Variants in LUZP2 observed in about 807,000 individuals in gnomAD.
The protein encoded by LUZP2 is leucine zipper protein 2.
A neutral mutation model predicts 51.6 loss-of-function variants in LUZP2; 52 were observed. The ratio of observed to expected loss-of-function variants is 1.01; its 90% confidence interval spans 0.81 to 1.27. LUZP2 has a LOEUF of 1.27. Ranked by LOEUF, LUZP2 falls within the 50% of genes most tolerant of loss-of-function variation. The pLI is 0.00. For synonymous variants in LUZP2, 154 were observed against 137.3 expected (o/e 1.12, Z -0.85); for missense variants, 436 against 395.4 (o/e 1.10, Z -0.87).
intron 2 of LUZP2, among the ~76,000 whole-genome samples, chr11:24,731,798 G>A (rs1044212875): frequency 1.1e-4 from 16 of 151,754 alleles, no homozygotes; most frequent in Admixed American, 2.0e-4. Context: ...CTTGCCTGCA[G>A]AGAACACAGT....
At chr11:24,565,940 A>C (rs2133784153) in intron 1 of LUZP2, among the ~76,000 whole-genome samples, 1 of 152,258 alleles carries the variant, frequency 6.6e-6, no homozygotes, top group South Asian at 2.1e-4. Flanking sequence ...ATTGTTCAAT[A>C]ATATTTTAAA....
rs192110099 is a variant in LUZP2, at chr11:24,843,318, T to G, written c.397-62673T>G. On this transcript the variant is annotated intron_variant, in intron 5 of 11. Transcript: ENST00000336930. ...CAAAACTTATTATAACAAATTTTCT[T>G]AATTTTATACAATTCCTCAGAAAAT... Among the ~76,000 whole-genome samples the G allele has an allele frequency of 5.9e-5, 9 of 152,244 alleles. No individual in the cohort carries two copies. The East Asian group carries it at 1.5e-3, about 26-fold the overall frequency.
In LUZP2 at chr11:24,641,502, C is replaced by T. The variant is rs972851003; in HGVS notation, c.63-87667C>T. ...AGTATCTGAGATTTTTAAAATATTA[C>T]TGTTGAACATCAAAAGGTGATAAGA... On this transcript the variant is annotated intron_variant, in intron 1 of 11. Transcript: ENST00000336930. Among the ~76,000 whole-genome samples, 2 of 151,794 alleles carry T rather than the reference C, an allele frequency of 1.3e-5. 1 individual carries two copies. The highest frequency in any genetic ancestry group is 4.9e-5 in the African/African-American group (2 of 41,116).
intron 1 of LUZP2, among the ~76,000 whole-genome samples, chr11:24,683,490 G>T (rs1856808984): frequency 6.6e-6 from 1 of 152,002 alleles, no homozygotes; most frequent in African/African-American, 2.4e-5. Context: ...CACTTTTAGT[G>T]GTAATAATTT....
At chr11:24,562,715 A>G (rs1852086378) in intron 1 of LUZP2, among the ~76,000 whole-genome samples, 1 of 149,802 alleles carries the variant, frequency 6.7e-6, no homozygotes, top group Admixed American at 6.6e-5. Context: ...AAAAAAAATT[A>G]CCTGGGCGTG....
At chr11:25,019,649 A>T (rs1237967807) in intron 9 of LUZP2, among the ~76,000 whole-genome samples, 1 of 152,092 alleles carries the variant, frequency 6.6e-6, no homozygotes, top group Non-Finnish European at 1.5e-5. Context: ...ACTCAATAGC[A>T]TTTAATATAG....
At chr11:24,818,655 A>G (rs554928566) in intron 5 of LUZP2, among the ~76,000 whole-genome samples, 5 of 152,164 alleles carry the variant, frequency 3.3e-5, no homozygotes, top group African/African-American at 1.2e-4. Context: ...TTATTCAACA[A>G]ATATTTACTG....
At chr11:25,016,284 A>G (rs115366970) in intron 9 of LUZP2, among the ~76,000 whole-genome samples, 1,673 of 152,018 alleles carry the variant, frequency 0.011, 38 homozygotes, top group African/African-American at 0.037. Context: ...ACATATAATT[A>G]TTTATCCCTC....
At chr11:24,826,158 A>AGAGC (rs1042552026) in intron 5 of LUZP2, among the ~76,000 whole-genome samples, 3 of 133,224 alleles carry the variant, frequency 2.3e-5, no homozygotes, top group Admixed American at 8.3e-5. Flanking sequence ...CCTAGGCGAC[A>AGAGC]GAGCGAGACT....
chr11:24,641,422 C>T (rs1019487697), intron 1 of LUZP2, among the ~76,000 whole-genome samples: 3 of 151,558 alleles, frequency 2.0e-5, no homozygotes, highest in East Asian at 1.9e-4. Flanking sequence ...GTAGTCTCAA[C>T]GAACAATTTG....
intron 1 of LUZP2, among the ~76,000 whole-genome samples, chr11:24,624,927 G>A (rs532135627): frequency 6.6e-6 from 1 of 151,972 alleles, no homozygotes; most frequent in African/African-American, 2.4e-5. Context: ...AAAGATCAAA[G>A]ATAGGAGGAT....
chr11:24,743,131 T>G (rs914932714), intron 4 of LUZP2, among the ~76,000 whole-genome samples: 1 of 152,036 alleles, frequency 6.6e-6, no homozygotes, highest in African/African-American at 2.4e-5. Flanking sequence ...CAGAACCTCC[T>G]GATTTGTTCT....
At chr11:24,919,597 A>G (rs12278416) in intron 7 of LUZP2, among the ~76,000 whole-genome samples, 10,005 of 144,606 alleles carry the variant, frequency 0.069, 1,226 homozygotes, top group African/African-American at 0.24. Flanking sequence ...ATAGCTTTTA[A>G]TTTTATGTAG....
intron 10 of LUZP2, among the ~76,000 whole-genome samples, chr11:25,053,896 T>C: frequency 6.6e-6 from 1 of 152,110 alleles, no homozygotes; most frequent in Admixed American, 6.6e-5. Flanking sequence ...CAAACATGAG[T>C]GGTGCTTCTC....
At chr11:24,543,595 C>A (rs1851446968) in intron 1 of LUZP2, among the ~76,000 whole-genome samples, 1 of 151,896 alleles carries the variant, frequency 6.6e-6, no homozygotes, top group Non-Finnish European at 1.5e-5. Context: ...CCAAGGCGGG[C>A]AGATCACCTG....
intron 7 of LUZP2, among the ~76,000 whole-genome samples, chr11:24,954,846 A>AT (rs1380554214): frequency 6.6e-6 from 1 of 152,104 alleles, no homozygotes; most frequent in Non-Finnish European, 1.5e-5. Flanking sequence ...CGCTAAAATG[A>AT]TATTCGTAGT....
At chr11:24,673,030 T>G (rs1259685332) in intron 1 of LUZP2, among the ~76,000 whole-genome samples, 2 of 152,092 alleles carry the variant, frequency 1.3e-5, no homozygotes, top group African/African-American at 2.4e-5. Context: ...CCTATAAGAA[T>G]CTCACACCTG....
At chr11:24,994,032 T>C (rs1856427691) in intron 9 of LUZP2, among the ~76,000 whole-genome samples, 1 of 152,130 alleles carries the variant, frequency 6.6e-6, no homozygotes, top group African/African-American at 2.4e-5. Context: ...GACTAATTTT[T>C]GTATTTTTAG....
intron 1 of LUZP2, among the ~76,000 whole-genome samples, chr11:24,652,672 T>A (rs1000788919): frequency 1.3e-5 from 2 of 152,090 alleles, no homozygotes; most frequent in Non-Finnish European, 2.9e-5. Context: ...TTTATAATAA[T>A]CTCATAAGAA....
Sources: gnomAD v4.1 joint callset for allele counts (sites outside exome capture counted in the v4.1 genomes callset) on GRCh38, gnomAD v4.1.1 for gene constraint, MANE v1.5 for transcripts, NCBI Gene and HGNC (gene_info 2026-07-23, HGNC 2026-07-21) for gene names.